The following TENM3 variants were observed in gnomAD, a reference collection of about 807,000 sequenced individuals.
The protein encoded by TENM3 is teneurin-3.
Under a neutral mutation model 255.1 loss-of-function variants are expected in TENM3, and 63 were observed. That is an observed-to-expected ratio of 0.25 (90% CI 0.20 to 0.30). The LOEUF (loss-of-function observed/expected upper bound fraction) is 0.30. Among genes scored for constraint, TENM3 ranks in the 10% least tolerant of loss-of-function variants. The pLI, the probability that TENM3 is intolerant of heterozygous loss-of-function variation, is 1.00. For synonymous variants in TENM3, 1,306 were observed against 1,322.3 expected (o/e 0.99, Z 0.27); for missense variants, 2,929 against 3,461.1 (o/e 0.85, Z 3.86).
rs182336897 is a variant in TENM3 at position 182,643,355 on chromosome 4, T to C, written c.989-10416T>C. ...GATAGTTTGACTCTATGCAATGTAG[T>C]TTTAAAAATTAAAATCAAGAACAAC... On this transcript the variant is annotated intron_variant, in intron 5 of 27. Transcript: ENST00000511685. Among the ~76,000 whole-genome samples, 18 of 152,324 alleles carry C rather than the reference T, an allele frequency of 1.2e-4. No homozygotes were observed. The East Asian group carries it at 3.5e-3, about 29-fold the overall frequency.
At chr4:182,006,440 C>T in the TENM3 span, among the ~76,000 whole-genome samples, 6 of 152,130 alleles carry the variant, frequency 3.9e-5, no homozygotes, top group Admixed American at 3.9e-4. Context: ...CACCTTCTTG[C>T]AGGCTTAGTC....
intron 19 of TENM3, among the ~76,000 whole-genome samples, chr4:182,748,706 C>T (rs919898879): frequency 6.6e-5 from 10 of 152,178 alleles, no homozygotes; most frequent in African/African-American, 1.9e-4. Flanking sequence ...CTCTAATTTG[C>T]CATCCTAGCC....
Position 182,693,114 on chromosome 4 carries a change from G to C in TENM3, c.2221+4763G>C, listed in dbSNP as rs188569596. On this transcript the variant is annotated intron_variant, in intron 12 of 27. Transcript: ENST00000511685. ...TTTCAGATCATTTGGGGTTTGTTTT[G>C]TGGGATGCTCTACTTTGCATGCCTC... is the stretch of plus-strand genomic sequence containing the variant. Among the ~76,000 whole-genome samples, 448 of 152,102 alleles carry C rather than the reference G, an allele frequency of 2.9e-3. 1 individual carries two copies. Among genetic ancestry groups the C allele is most frequent in the African/African-American group, 0.01 (417 of 41,488 alleles).
chr4:181,663,404 C>T, the TENM3 span, among the ~76,000 whole-genome samples: 2 of 152,104 alleles, frequency 1.3e-5, no homozygotes, highest in Admixed American at 1.3e-4. Context: ...ACCGTGCACT[C>T]TAATGTTACG....
At chr4:182,621,633 TAATA>T (rs1429397948) in intron 4 of TENM3, among the ~76,000 whole-genome samples, 20 of 44,590 alleles carry the variant, frequency 4.5e-4, no homozygotes, top group Non-Finnish European at 5.2e-5. Flanking sequence ...ATAAAATATA[TAATA>T]TATAATACAT....
the TENM3 span, among the ~76,000 whole-genome samples, chr4:181,500,334 G>GA: frequency 0.19 from 26,622 of 139,462 alleles, 2,884 homozygotes; most frequent in South Asian, 0.26. Context: ...CGGCCTTATG[G>GA]AAAAAAAAAA....
At chr4:181,799,191 G>C in the TENM3 span, among the ~76,000 whole-genome samples, 1 of 152,218 alleles carries the variant, frequency 6.6e-6, no homozygotes, top group Non-Finnish European at 1.5e-5. Flanking sequence ...CCTGAAACGA[G>C]TGGCTGTAAT....
At chr4:182,278,373 CA>C (rs972167696) in intron 1 of TENM3, among the ~76,000 whole-genome samples, 9 of 148,308 alleles carry the variant, frequency 6.1e-5, no homozygotes, top group Non-Finnish European at 7.5e-5. Flanking sequence ...ATCTCAAAAA[CA>C]AAAAAAAAGA....
intron 3 of TENM3, among the ~76,000 whole-genome samples, chr4:182,434,389 G>A (rs1274355558): frequency 6.6e-6 from 1 of 152,130 alleles, no homozygotes; most frequent in Non-Finnish European, 1.5e-5. Context: ...CTGGCTGGGT[G>A]CCATGGCTCA....
At chr4:182,330,022 G>T (rs910643766) in intron 2 of TENM3, among the ~76,000 whole-genome samples, 4 of 151,718 alleles carry the variant, frequency 2.6e-5, no homozygotes, top group Admixed American at 2.6e-4. Flanking sequence ...TTTCTCATCT[G>T]CAACAATAAA....
At chr4:182,262,277 T>A (rs1758851979) in intron 1 of TENM3, among the ~76,000 whole-genome samples, 1 of 152,222 alleles carries the variant, frequency 6.6e-6, no homozygotes, top group Non-Finnish European at 1.5e-5. Flanking sequence ...TACAAACATG[T>A]CAGAGGTGTT....
intron 11 of TENM3, among the ~76,000 whole-genome samples, chr4:182,685,306 A>G (rs1756489698): frequency 6.6e-6 from 1 of 152,070 alleles, no homozygotes; most frequent in Non-Finnish European, 1.5e-5. Context: ...TTGAAGAACC[A>G]GAAACTTTGT....
chr4:182,388,565 C>T (rs1390619209), intron 3 of TENM3, among the ~76,000 whole-genome samples: 1 of 152,140 alleles, frequency 6.6e-6, no homozygotes, highest in East Asian at 1.9e-4. Flanking sequence ...GCAACTTTTC[C>T]TTGTTCTCTC....
At chr4:182,343,817 C>A (rs1764631028) in intron 2 of TENM3, among the ~76,000 whole-genome samples, 1 of 152,142 alleles carries the variant, frequency 6.6e-6, no homozygotes, top group Non-Finnish European at 1.5e-5. Flanking sequence ...AAGGTTAGAT[C>A]TTTCCAGGGG....
At chr4:181,977,202 A>C in the TENM3 span, among the ~76,000 whole-genome samples, 1 of 151,938 alleles carries the variant, frequency 6.6e-6, no homozygotes, top group African/African-American at 2.4e-5. Context: ...AATAGTACCT[A>C]CCCCCATAGG....
chr4:181,779,094 T>A, the TENM3 span, among the ~76,000 whole-genome samples: 1 of 151,964 alleles, frequency 6.6e-6, no homozygotes, highest in Non-Finnish European at 1.5e-5. Context: ...GAGGCCTTGT[T>A]TATGTACCTG....
chr4:181,710,450 G>C, the TENM3 span, among the ~76,000 whole-genome samples: 1 of 152,088 alleles, frequency 6.6e-6, no homozygotes, highest in African/African-American at 2.4e-5. Flanking sequence ...GGGCACGGTG[G>C]CTCACACCTG....
chr4:182,735,097 C>T (rs1035241881), intron 16 of TENM3, among the ~76,000 whole-genome samples: 2 of 152,166 alleles, frequency 1.3e-5, no homozygotes, highest in Non-Finnish European at 2.9e-5. Flanking sequence ...TTCACCCTAA[C>T]AACCTACAGT....
At chr4:182,702,818 A>G (rs550514896) in intron 12 of TENM3, among the ~76,000 whole-genome samples, 1 of 151,834 alleles carries the variant, frequency 6.6e-6, no homozygotes, top group African/African-American at 2.4e-5. Context: ...GCTCACTGCA[A>G]GCTCCACCTC....
Sources: allele counts gnomAD v4.1 joint callset (sites outside exome capture counted in the v4.1 genomes callset), GRCh38; gene constraint gnomAD v4.1.1; transcripts MANE v1.5; gene names NCBI Gene and HGNC (gene_info 2026-07-23, HGNC 2026-07-21).